CEP120: variants seen among roughly 807,000 people sequenced by gnomAD.
The protein encoded by CEP120 is centrosomal protein 120.
Under a neutral mutation model 126.5 loss-of-function variants are expected in CEP120, and 113 were observed. The observed-to-expected ratio is 0.89, with a 90% CI of 0.77 to 1.04. The LOEUF is 1.04. CEP120 is among the 50% of genes least tolerant of loss of function. The probability of loss-of-function intolerance (pLI) is 0.00; values close to 1 mark genes in which losing one functional copy is unlikely to be tolerated. For synonymous variants in CEP120, 400 were observed against 394.3 expected (o/e 1.01, Z -0.17); for missense variants, 1,230 against 1,155.7 (o/e 1.06, Z -0.93).
chr5:123,374,017 ACC>A (rs1771037449), intron 16 of CEP120, among the ~76,000 whole-genome samples: 2 of 151,856 alleles, frequency 1.3e-5, no homozygotes, highest in Admixed American at 1.3e-4. Flanking sequence ...AATAATCCTG[ACC>A]CCCTGCCAAA....
intron 18 of CEP120, among the ~76,000 whole-genome samples, chr5:123,357,869 GACAATAGCCAA>G (rs534591946): frequency 0.01 from 1,585 of 152,182 alleles, 26 homozygotes; most frequent in African/African-American, 0.036. Flanking sequence ...TAAGACATCT[GACAATAGCCAA>G]TTATTGGCAA....
intron 19 of CEP120, among the ~76,000 whole-genome samples, 156 bp downstream of exon 19, chr5:123,349,788 G>A (rs538112901): frequency 3.3e-5 from 5 of 152,164 alleles, no homozygotes; most frequent in Admixed American, 6.5e-5. Context: ...ACAGGCATGC[G>A]CCACAGTACC....
intron 2 of CEP120, among the ~76,000 whole-genome samples, chr5:123,417,529 TAGAA>T (rs936994534): frequency 2.0e-5 from 3 of 152,098 alleles, no homozygotes; most frequent in East Asian, 1.9e-4. Context: ...ATAAATTAAT[TAGAA>T]AGAAACCTTG....
chr5:123,380,756 G>T (rs1771582789), intron 14 of CEP120, among the ~76,000 whole-genome samples: 1 of 152,006 alleles, frequency 6.6e-6, no homozygotes, highest in Admixed American at 6.6e-5. Context: ...TAAAGGCTAG[G>T]TTAAAAATTT....
chr5:123,362,177 T>G (rs1043287973), intron 18 of CEP120, among the ~76,000 whole-genome samples: 1 of 151,800 alleles, frequency 6.6e-6, no homozygotes, highest in Non-Finnish European at 1.5e-5. Context: ...TAACCATATA[T>G]TAGCTGCTTC....
chr5:123,364,376 T>C, intron 18 of CEP120, 120 bp downstream of exon 18: 1 of 440,754 alleles, frequency 2.3e-6, no homozygotes, highest in African/African-American at 2.0e-5. Context: ...AAGCCTCTAA[T>C]CTCAAAAAAT....
Position 123,423,280 on chromosome 5 carries a change from C to A in CEP120, c.-282G>T. 1 of 461,974 alleles carries A rather than the reference C, an allele frequency of 2.2e-6. No individual in the cohort carries two copies. The highest frequency in any genetic ancestry group is 3.8e-6 in the Non-Finnish European group (1 of 260,128). 28.6% of individuals were successfully genotyped at this position (461,974 alleles called of 1,614,324 possible). On this transcript the variant is annotated 5_prime_UTR_variant, in exon 1 of 20. Transcript: ENST00000306467. The stretch of plus-strand genomic sequence containing the variant: ...CAGAGACAAGCCCGCCACCCGAGGA[C>A]CTTTTGCCGCCTGCGTAGCCGCTTT...
At chr5:123,370,776 A>ATTTTATATATATAT (rs1395469407) in intron 17 of CEP120, among the ~76,000 whole-genome samples, 1 of 148,358 alleles carries the variant, frequency 6.7e-6, no homozygotes, top group African/African-American at 2.5e-5. Flanking sequence ...TATATTATAT[A>ATTTTATATATATAT]TGTATATTTT....
At chr5:123,414,252 A>C (rs1311075612) in intron 3 of CEP120, among the ~76,000 whole-genome samples, 1 of 152,206 alleles carries the variant, frequency 6.6e-6, no homozygotes, top group African/African-American at 2.4e-5. Context: ...GTTAAGAGAA[A>C]CATCAAGAGC....
At chr5:123,423,753 T>C (rs1282193327), upstream of CEP120, among the ~76,000 whole-genome samples, 1 of 152,080 alleles carries the variant, frequency 6.6e-6, no homozygotes, top group Non-Finnish European at 1.5e-5. Context: ...AAAAATTAAA[T>C]CACAAAAAAA....
At chr5:123,404,464 A>G (rs1580725128) in intron 4 of CEP120, among the ~76,000 whole-genome samples, 1 of 152,344 alleles carries the variant, frequency 6.6e-6, no homozygotes. Context: ...GTATGATTGT[A>G]TGACTGATGC....
chr5:123,378,072 T>C (rs2127036277), intron 15 of CEP120, among the ~76,000 whole-genome samples: 1 of 152,212 alleles, frequency 6.6e-6, no homozygotes, highest in African/African-American at 2.4e-5. Flanking sequence ...ATGAATTTCA[T>C]ATATAGACTC....
At chr5:123,412,276 A>T in intron 4 of CEP120, 123 bp downstream of exon 4, 1 of 830,770 alleles carries the variant, frequency 1.2e-6, no homozygotes, top group Non-Finnish European at 1.8e-6. Flanking sequence ...TAACAATGTC[A>T]CAATATTTGT....
intron 9 of CEP120, 42 bp from the exon 10 acceptor site, chr5:123,386,709 T>A (rs201781245): frequency 1.1e-4 from 147 of 1,302,922 alleles, no homozygotes; most frequent in Admixed American, 2.4e-4. Flanking sequence ...GCCTTAATGA[T>A]ATGGTTTACA....
chr5:123,390,207 TG>T (rs1181488915), intron 7 of CEP120, 67 bp from the exon 8 acceptor site: 2 of 1,142,754 alleles, frequency 1.8e-6, no homozygotes, highest in East Asian at 5.1e-5. Flanking sequence ...GCAAAAAACT[TG>T]GCATTGTTTT....
chr5:123,359,823 A>G (rs1417042391), intron 18 of CEP120, among the ~76,000 whole-genome samples: 1 of 152,060 alleles, frequency 6.6e-6, no homozygotes, highest in Non-Finnish European at 1.5e-5. Flanking sequence ...TATATTTTTA[A>G]TTCACAAATA....
intron 3 of CEP120, among the ~76,000 whole-genome samples, chr5:123,413,358 C>T (rs79406801): frequency 0.04 from 6,011 of 151,958 alleles, 397 homozygotes; most frequent in African/African-American, 0.14. Context: ...TAACAAAATA[C>T]TAAAGTCAAG....
intron 16 of CEP120, among the ~76,000 whole-genome samples, chr5:123,373,401 A>G (rs1770984444): frequency 6.6e-6 from 1 of 152,128 alleles, no homozygotes; most frequent in South Asian, 2.1e-4. Flanking sequence ...CGGGAGATCC[A>G]GTTTACTAAA....
At chr5:123,401,376 C>T in intron 4 of CEP120, 1 of 1,524,146 alleles carries the variant, frequency 6.6e-7, no homozygotes, top group Admixed American at 1.7e-5. Flanking sequence ...CCTTTGAGGC[C>T]CTCATTCTCA....
Sources: gnomAD v4.1 joint callset for allele counts (sites outside exome capture counted in the v4.1 genomes callset) on GRCh38, gnomAD v4.1.1 for gene constraint, MANE v1.5 for transcripts, NCBI Gene and HGNC (gene_info 2026-07-23, HGNC 2026-07-21) for gene names.